Variants in OTOGL observed in about 807,000 individuals in gnomAD.
OTOGL encodes the protein otogelin-like protein.
OTOGL carries 285 observed loss-of-function variants against 318.5 expected under a neutral mutation model. The ratio of observed to expected loss-of-function variants is 0.89; its 90% confidence interval spans 0.81 to 0.99. The LOEUF is 0.99. Among genes scored for constraint, OTOGL ranks in the 50% least tolerant of loss-of-function variants. The pLI, the probability that OTOGL is intolerant of heterozygous loss-of-function variation, is 0.00. For synonymous variants in OTOGL, 987 were observed against 936.5 expected (o/e 1.05, Z -0.99); for missense variants, 2,899 against 2,845.6 (o/e 1.02, Z -0.43).
At position 80,302,789 on chromosome 12, in the gene OTOGL, T is replaced by C. The variant is rs772152273; in HGVS notation, c.3213+6T>C. On this transcript the variant is annotated splice_donor_region_variant and intron_variant, in intron 28 of 58. Coordinates refer to ENST00000547103, the MANE Select transcript of OTOGL (RefSeq NM_001378609.3). ...AAGTTGGGCCACAGTGGAAGGTAGG[T>C]CAACCTAAGCTCCAAATGAGATGTA... 1.4e-6 allele frequency: 2 copies of C among 1,474,976 alleles called. No individual in the cohort carries two copies. Among genetic ancestry groups the C allele is most frequent in the Non-Finnish European group, 1.8e-6 (2 of 1,118,382 alleles). 91.4% of individuals were successfully genotyped at this position (1,474,976 alleles called of 1,614,324 possible).
chr12:80,201,394 T>C (rs1876443873), intron 1 of OTOGL, among the ~76,000 whole-genome samples: 1 of 152,048 alleles, frequency 6.6e-6, no homozygotes, highest in Admixed American at 6.6e-5. Context: ...GACTGTCACA[T>C]AGCGAGAGAG....
At chr12:80,168,818 T>C (rs757062690) in intron 1 of OTOGL, among the ~76,000 whole-genome samples, 2 of 152,184 alleles carry the variant, frequency 1.3e-5, no homozygotes, top group Non-Finnish European at 1.5e-5. Flanking sequence ...TAGTTTCTAG[T>C]TTGGTGAACA....
intron 11 of OTOGL, among the ~76,000 whole-genome samples, chr12:80,244,930 T>A (rs564151878): frequency 0.021 from 3,186 of 148,406 alleles, 67 homozygotes; most frequent in Non-Finnish European, 0.032. Context: ...ATGATGAGCA[T>A]TTTTTCATGT....
At chr12:80,323,868 A>C (rs772660573) in intron 35 of OTOGL, 28 bp downstream of exon 35, 6 of 1,539,838 alleles carry the variant, frequency 3.9e-6, no homozygotes. Flanking sequence ...ATAAGTGATC[A>C]AAGTCCAGCC....
Position 80,356,043 on chromosome 12 carries a change from A to T in OTOGL, c.5806+95A>T, listed in dbSNP as rs1889879025. ...AGCATATATAATGCTTTGTATTTTTAAAAAAGGGCCATAAATGTCATTTTC... is the reference window on the plus strand; with the variant it reads ...AGCATATATAATGCTTTGTATTTTTTAAAAAGGGCCATAAATGTCATTTTC... On this transcript the variant is annotated intron_variant, in intron 47 of 58. Transcript: ENST00000547103. The T allele has an allele frequency of 1.4e-5, 19 of 1,319,274 alleles. 1 individual carries two copies. The highest frequency in any genetic ancestry group is 3.0e-5 in the African/African-American group (2 of 67,680). 81.7% of individuals were successfully genotyped at this position (1,319,274 alleles called of 1,614,324 possible). A position where few individuals can be genotyped will look rare whatever the true frequency, so the allele number is the denominator to read the frequency against.
intron 1 of OTOGL, among the ~76,000 whole-genome samples, chr12:80,186,631 G>T (rs962359438): frequency 5.9e-5 from 9 of 151,960 alleles, no homozygotes; most frequent in Admixed American, 4.6e-4. Context: ...ATTTTCAGAC[G>T]TATCGCTCAC....
chr12:80,379,019 T>C lies in OTOGL; in HGVS notation c.*971T>C, dbSNP rs1032589325. 4 of 152,504 alleles carry C rather than the reference T, an allele frequency of 2.6e-5. No individual in the cohort carries two copies. The highest frequency in any genetic ancestry group is 7.2e-5 in the African/African-American group (3 of 41,448). 9.4% of individuals were successfully genotyped at this position (152,504 alleles called of 1,614,324 possible). A position where few individuals can be genotyped will look rare whatever the true frequency, so the allele number is the denominator to read the frequency against. On this transcript the variant is annotated 3_prime_UTR_variant, in exon 59 of 59. Coordinates refer to ENST00000547103, the MANE Select transcript of OTOGL (RefSeq NM_001378609.3). Reference sequence around the variant, plus strand: ...CTTGCATACTGTTGAAGTTGAGTGCTGTTTTGCTGTTAATGCTGCTGCTTT... The same window carrying C: ...CTTGCATACTGTTGAAGTTGAGTGCCGTTTTGCTGTTAATGCTGCTGCTTT...
chr12:80,170,223 G>GTA (rs1565886758), intron 1 of OTOGL, among the ~76,000 whole-genome samples: 16 of 145,014 alleles, frequency 1.1e-4, no homozygotes, highest in Admixed American at 8.1e-4. Flanking sequence ...GTATGTATGT[G>GTA]TGTGTGTGTA....
chr12:80,229,265 C>T lies in OTOGL; in HGVS notation c.498C>T (p.Asn166=), dbSNP rs1879150698. ...GTTTTTCTCCCTTTAAGGTTCATAA[C>T]AGCCCTAAATGCCTTGGTTCGGTGT... ...LEPRYTVWVH[N]SPKCLGSVYS... Residue 166 remains asparagine, a synonymous_variant, in exon 8 of 59, where the codon AAC becomes AAT. Transcript: ENST00000547103. The T allele has an allele frequency of 1.3e-6, 2 of 1,597,638 alleles. No individual in the cohort carries two copies. Among genetic ancestry groups the T allele is most frequent in the African/African-American group, 2.7e-5 (2 of 74,850 alleles).
intron 1 of OTOGL, among the ~76,000 whole-genome samples, chr12:80,125,422 C>T (rs1217364416): frequency 6.6e-6 from 1 of 152,152 alleles, no homozygotes; most frequent in Non-Finnish European, 1.5e-5. Context: ...TTTTGATGTG[C>T]TGCTGGATTC....
chr12:80,345,473 G>C (rs963847146), intron 44 of OTOGL, among the ~76,000 whole-genome samples: 7 of 151,748 alleles, frequency 4.6e-5, no homozygotes, highest in Non-Finnish European at 8.8e-5. Context: ...CTGACCTCAA[G>C]TGATCCACCT....
In OTOGL at chr12:80,338,950, A is replaced by C. The variant is rs1047591492; in HGVS notation, c.4861-125A>C. ...TCTGAGAAGCTGTGGCAGCAGTAAG[A>C]AATACATTTCTTAAAAAAATTAAAA... On this transcript the variant is annotated intron_variant, in intron 42 of 58. Coordinates refer to ENST00000547103, the MANE Select transcript of OTOGL (RefSeq NM_001378609.3). 4 of 810,184 alleles carry C rather than the reference A, an allele frequency of 4.9e-6. No individual in the cohort carries two copies. In the African/African-American group the frequency reaches 7.0e-5, roughly 14 times the overall value. 50.2% of individuals were successfully genotyped at this position (810,184 alleles called of 1,614,324 possible). A position where few individuals can be genotyped will look rare whatever the true frequency, so the allele number is the denominator to read the frequency against.
intron 58 of OTOGL, 82 bp from the exon 59 acceptor site, chr12:80,377,766 A>C: frequency 9.1e-7 from 1 of 1,099,376 alleles, no homozygotes. Context: ...AAAGATTTTC[A>C]TCAGATTTTC....
At chr12:80,352,235 C>T (rs981410095) in intron 44 of OTOGL, 60 bp from the exon 45 acceptor site, 6 of 1,447,656 alleles carry the variant, frequency 4.1e-6, no homozygotes, top group Admixed American at 2.1e-5. Flanking sequence ...CTTAGTCTAG[C>T]TTAGGGCTTT....
intron 1 of OTOGL, among the ~76,000 whole-genome samples, chr12:80,139,342 T>A (rs185278184): frequency 7.2e-5 from 11 of 152,242 alleles, no homozygotes; most frequent in Non-Finnish European, 1.0e-4. Flanking sequence ...CAATCCATTT[T>A]CATTTAAATA....
intron 52 of OTOGL, 42 bp from the exon 53 acceptor site, chr12:80,366,524 TATATATAA>T (rs1890547984): frequency 3.4e-6 from 1 of 294,562 alleles, no homozygotes; most frequent in Non-Finnish European, 5.7e-6. Flanking sequence ...TATATATATA[TATATATAA>T]AATAAGCTAA....
At chr12:80,318,400 T>C (rs1887106039) in intron 32 of OTOGL, 146 bp from the exon 33 acceptor site, 3 of 491,654 alleles carry the variant, frequency 6.1e-6, no homozygotes, top group East Asian at 3.6e-5. Context: ...TCATTATTTT[T>C]GAAGAATTCA....
At chr12:80,342,578 C>T (rs1323635725) in intron 44 of OTOGL, among the ~76,000 whole-genome samples, 1 of 152,126 alleles carries the variant, frequency 6.6e-6, no homozygotes, top group East Asian at 1.9e-4. Context: ...CTTTATTAGT[C>T]TCTAACTTTC....
At position 80,278,209 on chromosome 12, in the gene OTOGL, G is replaced by A; in HGVS notation, c.2723G>A (p.Cys908Tyr). 1.3e-6 allele frequency: 2 copies of A among 1,547,100 alleles called. No homozygotes were observed. The highest frequency in any genetic ancestry group is 1.7e-6 in the Non-Finnish European group (2 of 1,144,420). ...HRGKCYVPES[C>Y]PCIWKDWEYL... ...GGAAAGTGTTATGTTCCTGAAAGCT[G>A]CCCATGTATTTGGAAAGATTGGGAG... Residue 908 changes from cysteine to tyrosine, a missense_variant, in exon 25 of 59, where the codon TGC (cysteine) becomes TAC (tyrosine). Transcript: ENST00000547103.
Sources: gnomAD v4.1 joint callset for allele counts (sites outside exome capture counted in the v4.1 genomes callset) on GRCh38, gnomAD v4.1.1 for gene constraint, MANE v1.5 for transcripts, NCBI Gene and HGNC (gene_info 2026-07-23, HGNC 2026-07-21) for gene names.